The following LHFPL2 variants were observed in gnomAD, a reference collection of about 807,000 sequenced individuals.
The protein encoded by LHFPL2 is LHFPL tetraspan subfamily member 2.
LHFPL2 carries 7 observed loss-of-function variants against 17.5 expected under a neutral mutation model. The observed-to-expected ratio is 0.40, with a 90% CI of 0.23 to 0.75. The LOEUF is 0.75. Among genes scored for constraint, LHFPL2 ranks in the 30% least tolerant of loss-of-function variants. LHFPL2 has a pLI of 0.37. For missense variants in LHFPL2, 241 were observed against 294.8 expected, an observed-to-expected ratio of 0.82 and a Z score of 1.34; for synonymous variants, 134 against 116.2, an observed-to-expected ratio of 1.15 and a Z score of -0.99.
rs112060052 is a variant in LHFPL2, at chr5:78,490,619, A to T, written c.431-1466T>A. ...ACAAAAATTAGCTGGGCGTGGTGGC[A>T]CACCTGTAGTCCCGGCTACTGGGAA... On this transcript the variant is annotated intron_variant, in intron 4 of 4. Transcript: ENST00000380345. Among the ~76,000 whole-genome samples the T allele has an allele frequency of 4.8e-3, 723 of 151,926 alleles. 10 individuals carry two copies. Among genetic ancestry groups the T allele is most frequent in the African/African-American group, 0.017 (685 of 41,432 alleles).
intron 4 of LHFPL2, among the ~76,000 whole-genome samples, chr5:78,499,197 A>T (rs999759005): frequency 6.6e-6 from 1 of 152,236 alleles, no homozygotes; most frequent in African/African-American, 2.4e-5. Flanking sequence ...ACCCTCCCCC[A>T]AATTTATAAT....
At chr5:78,626,195 C>G (rs1211169918) in intron 2 of LHFPL2, 1 of 152,242 alleles carries the variant, frequency 6.6e-6, no homozygotes. Context: ...CCTTCAGATC[C>G]AAACTAAAGA....
chr5:78,539,339 T>C (rs895288490), intron 3 of LHFPL2, among the ~76,000 whole-genome samples: 32 of 152,264 alleles, frequency 2.1e-4, no homozygotes, highest in African/African-American at 7.7e-4. Flanking sequence ...CAGACTGAGG[T>C]ATTTTTTTAT....
At chr5:78,580,391 T>A (rs980880898) in intron 2 of LHFPL2, among the ~76,000 whole-genome samples, 5 of 152,098 alleles carry the variant, frequency 3.3e-5, no homozygotes, top group Admixed American at 6.5e-5. Context: ...TGCCATTGCT[T>A]TTGGTGTTTT....
chr5:78,620,410 A>G (rs1198387410), intron 2 of LHFPL2, among the ~76,000 whole-genome samples: 1 of 152,052 alleles, frequency 6.6e-6, no homozygotes, highest in Non-Finnish European at 1.5e-5. Flanking sequence ...AATTTATTCA[A>G]TCATAGAAAG....
intron 2 of LHFPL2, among the ~76,000 whole-genome samples, chr5:78,593,343 C>T (rs1213919914): frequency 6.6e-6 from 1 of 152,134 alleles, no homozygotes; most frequent in Non-Finnish European, 1.5e-5. Flanking sequence ...GTCAAGAGTG[C>T]AAGGTCCTGA....
chr5:78,607,580 G>C (rs1398684003), intron 2 of LHFPL2, among the ~76,000 whole-genome samples: 1 of 152,052 alleles, frequency 6.6e-6, no homozygotes, highest in South Asian at 2.1e-4. Context: ...CATCCAGTTG[G>C]TTCCACCTCT....
intron 4 of LHFPL2, among the ~76,000 whole-genome samples, chr5:78,503,768 C>G (rs969022960): frequency 6.6e-6 from 1 of 152,160 alleles, no homozygotes; most frequent in Admixed American, 6.5e-5. Flanking sequence ...GGTCCACTTG[C>G]TTTTCAGCAG....
rs372082837 is a variant in LHFPL2 at position 78,581,604 on chromosome 5, G to A, written c.-244-16733C>T. ...TGCTGGATTACATTTATTGATTTGC[G>A]TATATTGAACCAGCCTTGCATCCCA... is the stretch of plus-strand genomic sequence containing the variant. On this transcript the variant is annotated intron_variant, in intron 2 of 4. Transcript: ENST00000380345. Among the ~76,000 whole-genome samples the A allele has an allele frequency of 6.5e-4, 99 of 151,970 alleles. 1 individual carries two copies. Among genetic ancestry groups the A allele is most frequent in the Non-Finnish European group, 9.6e-4 (65 of 67,910 alleles).
chr5:78,506,026 A>G (rs1754921527), intron 4 of LHFPL2, among the ~76,000 whole-genome samples: 1 of 152,254 alleles, frequency 6.6e-6, no homozygotes, highest in African/African-American at 2.4e-5. Context: ...CAGTATTTAG[A>G]AAGTATCAGC....
chr5:78,547,514 T>C (rs1756315838), intron 3 of LHFPL2, among the ~76,000 whole-genome samples: 2 of 152,242 alleles, frequency 1.3e-5, no homozygotes, highest in Admixed American at 6.5e-5. Flanking sequence ...AGCAGTGGCA[T>C]GGAAACCAAG....
chr5:78,603,233 G>C (rs1481743414), intron 2 of LHFPL2, among the ~76,000 whole-genome samples: 1 of 152,100 alleles, frequency 6.6e-6, no homozygotes, highest in East Asian at 1.9e-4. Context: ...GGAAACTGAG[G>C]CTCCGCAGGG....
intron 2 of LHFPL2, among the ~76,000 whole-genome samples, chr5:78,600,174 G>A (rs537275043): frequency 2.5e-4 from 38 of 151,898 alleles, no homozygotes; most frequent in Non-Finnish European, 4.9e-4. Context: ...TCAGGATGAG[G>A]TTCTTCAAGA....
In LHFPL2 at chr5:78,599,708, G is replaced by T. The variant is rs572401160; in HGVS notation, c.-245+32556C>A. On this transcript the variant is annotated intron_variant, in intron 2 of 4. Transcript: ENST00000380345. ...AATTAAGTGAATAAAAAACATAAAG[G>T]CTTGCTGCCTAGCCCATGAGATCTT... Among the ~76,000 whole-genome samples, 4 of 152,160 alleles carry T rather than the reference G, an allele frequency of 2.6e-5. No individual in the cohort carries two copies. In the South Asian group the frequency reaches 8.3e-4, roughly 32 times the overall value.
At chr5:78,579,132 C>G (rs1314806806) in intron 2 of LHFPL2, among the ~76,000 whole-genome samples, 1 of 152,110 alleles carries the variant, frequency 6.6e-6, no homozygotes, top group African/African-American at 2.4e-5. Flanking sequence ...GAAAATTGTC[C>G]TTAAGCAAAG....
intron 2 of LHFPL2, among the ~76,000 whole-genome samples, chr5:78,573,500 T>C (rs563719102): frequency 6.6e-6 from 1 of 152,228 alleles, no homozygotes; most frequent in African/African-American, 2.4e-5. Flanking sequence ...GTCAGGGAAG[T>C]TGAGGCCAAC....
chr5:78,574,495 C>T (rs1381177693), intron 2 of LHFPL2, among the ~76,000 whole-genome samples: 4 of 152,264 alleles, frequency 2.6e-5, no homozygotes, highest in African/African-American at 9.6e-5. Context: ...GCCTCACCAT[C>T]TCCATTCTCT....
chr5:78,581,750 T>C (rs1265298646), intron 2 of LHFPL2, among the ~76,000 whole-genome samples: 1 of 152,214 alleles, frequency 6.6e-6, no homozygotes, highest in East Asian at 1.9e-4. Context: ...TCTAAAATTC[T>C]CTTTTTTGGT....
At chr5:78,572,010 C>T (rs1420263130) in intron 2 of LHFPL2, among the ~76,000 whole-genome samples, 1 of 152,056 alleles carries the variant, frequency 6.6e-6, no homozygotes, top group Non-Finnish European at 1.5e-5. Context: ...TGAATACACG[C>T]GTGGGCAGAT....
Sources: gnomAD v4.1 joint callset for allele counts (sites outside exome capture counted in the v4.1 genomes callset) on GRCh38, gnomAD v4.1.1 for gene constraint, MANE v1.5 for transcripts, NCBI Gene and HGNC (gene_info 2026-07-23, HGNC 2026-07-21) for gene names.